The following APP variants were observed in gnomAD, a reference collection of about 807,000 sequenced individuals.
APP encodes the protein amyloid-beta precursor protein.
In APP, 31 loss-of-function variants were observed where a neutral mutation model predicts 101.4. The ratio of observed to expected loss-of-function variants is 0.31; its 90% CI spans 0.23 to 0.41. The LOEUF is 0.41. APP is among the 10% of genes least tolerant of loss of function. The probability of loss-of-function intolerance (pLI) is 1.00; values close to 1 mark genes in which losing one functional copy is unlikely to be tolerated. For missense variants in APP, 839 were observed against 1,003.7 expected (o/e 0.84, Z 2.22); for synonymous variants, 366 against 364.4 (o/e 1.00, Z -0.05).
chr21:26,086,695 T>C (rs906940823), intron 3 of APP, among the ~76,000 whole-genome samples: 1 of 152,210 alleles, frequency 6.6e-6, no homozygotes, highest in Admixed American at 6.5e-5. Flanking sequence ...CTACTACTAC[T>C]ATAAAGTAGA....
intron 6 of APP, among the ~76,000 whole-genome samples, chr21:26,016,932 GGGGGC>G (rs1258731020): frequency 6.9e-5 from 1 of 14,530 alleles, no homozygotes; most frequent in African/African-American, 2.3e-4. Flanking sequence ...GCACTTTGTG[GGGGGC>G]GGGGGGCGGG....
At chr21:25,981,647 TAA>T (rs1452606971) in intron 9 of APP, among the ~76,000 whole-genome samples, 2 of 150,518 alleles carry the variant, frequency 1.3e-5, no homozygotes, top group African/African-American at 2.4e-5. Context: ...GTTTTAGACA[TAA>T]GTTATTTTTT....
chr21:25,971,284 G>T (rs931220664), intron 11 of APP, among the ~76,000 whole-genome samples: 2 of 152,172 alleles, frequency 1.3e-5, no homozygotes, highest in African/African-American at 4.8e-5. Flanking sequence ...TTGACCTCGT[G>T]ATCCGCCCGC....
At chr21:25,951,765 C>CA (rs1158426830) in intron 13 of APP, among the ~76,000 whole-genome samples, 4 of 152,124 alleles carry the variant, frequency 2.6e-5, no homozygotes. Flanking sequence ...TAAACACATA[C>CA]AAAAGTAAAA....
At chr21:26,142,647 T>C (rs2063072431) in intron 1 of APP, among the ~76,000 whole-genome samples, 1 of 152,122 alleles carries the variant, frequency 6.6e-6, no homozygotes, top group East Asian at 1.9e-4. Flanking sequence ...TGCAAACCTG[T>C]AGTCCCAGCT....
At chr21:25,951,184 G>A (rs888891693) in intron 13 of APP, among the ~76,000 whole-genome samples, 35 of 152,196 alleles carry the variant, frequency 2.3e-4, no homozygotes, top group African/African-American at 8.4e-4. Context: ...CTATGCTCTG[G>A]TCACAGTTTA....
chr21:26,054,775 C>T (rs543231092), intron 3 of APP, among the ~76,000 whole-genome samples: 5 of 152,018 alleles, frequency 3.3e-5, no homozygotes, highest in South Asian at 2.1e-4. Context: ...CCACAACTCC[C>T]ACGGAGCAAG....
chr21:26,160,071 C>T (rs1351216025), intron 1 of APP, among the ~76,000 whole-genome samples: 1 of 126,096 alleles, frequency 7.9e-6, no homozygotes, highest in Non-Finnish European at 1.6e-5. Flanking sequence ...CCACCTCTGT[C>T]CAACAGACAG....
chr21:26,016,685 C>T (rs2044078984), intron 6 of APP, among the ~76,000 whole-genome samples: 2 of 152,288 alleles, frequency 1.3e-5, no homozygotes, highest in Admixed American at 6.5e-5. Context: ...GATTCTCCTG[C>T]CTCAGCCTCC....
At chr21:25,937,463 C>T (rs970526059) in intron 13 of APP, among the ~76,000 whole-genome samples, 2 of 152,162 alleles carry the variant, frequency 1.3e-5, no homozygotes, top group African/African-American at 2.4e-5. Flanking sequence ...TCTTCCAAGA[C>T]GAAGCTTTTA....
intron 13 of APP, among the ~76,000 whole-genome samples, chr21:25,953,339 T>C (rs531797080): frequency 1.3e-5 from 2 of 152,256 alleles, no homozygotes; most frequent in East Asian, 3.9e-4. Context: ...TTCACAGCAA[T>C]ACAAACAATA....
At chr21:26,013,254 T>G (rs935655996) in intron 6 of APP, among the ~76,000 whole-genome samples, 1 of 152,108 alleles carries the variant, frequency 6.6e-6, no homozygotes, top group African/African-American at 2.4e-5. Flanking sequence ...GAGGCAGAGG[T>G]TGCAGTGAGC....
chr21:26,139,879 AAAACAAACAAAC>A lies in APP; in HGVS notation c.58-27745_58-27734del, dbSNP rs10617724. Reference sequence around the variant, plus strand: ...TGGCAACAGAGCGAGACTCCGTCTCAAAACAAACAAACAAACAAACAAACAAACAAACAAACA... The same window carrying A: ...TGGCAACAGAGCGAGACTCCGTCTCAAAACAAACAAACAAACAAACAAACA... On this transcript the variant is annotated intron_variant, in intron 1 of 17. Coordinates refer to ENST00000346798, the MANE Select transcript of APP (RefSeq NM_000484.4). 6.1e-3 allele frequency among the ~76,000 whole-genome samples: 922 copies of A among 150,280 alleles called. 3 individuals carry two copies. Among genetic ancestry groups the A allele is most frequent in the East Asian group, 0.015 (76 of 5,038 alleles).
intron 13 of APP, among the ~76,000 whole-genome samples, chr21:25,925,494 C>T (rs1215919213): frequency 6.6e-6 from 1 of 152,150 alleles, no homozygotes; most frequent in East Asian, 1.9e-4. Context: ...TCCAGGGAAT[C>T]AGAATCTGCA....
At chr21:26,145,617 GTT>G (rs1029364603) in intron 1 of APP, among the ~76,000 whole-genome samples, 1 of 152,124 alleles carries the variant, frequency 6.6e-6, no homozygotes, top group Non-Finnish European at 1.5e-5. Context: ...TCTGCGTACA[GTT>G]AAAAAGACTC....
chr21:26,169,005 G>A (rs898915525), intron 1 of APP, among the ~76,000 whole-genome samples: 1 of 152,178 alleles, frequency 6.6e-6, no homozygotes, highest in Non-Finnish European at 1.5e-5. Flanking sequence ...GAGGCTGGGG[G>A]AAAAGAGGGG....
At chr21:25,967,006 T>C (rs2041821461) in intron 11 of APP, among the ~76,000 whole-genome samples, 1 of 152,168 alleles carries the variant, frequency 6.6e-6, no homozygotes, top group Non-Finnish European at 1.5e-5. Context: ...TCTGCTGGAA[T>C]TTACCAAATA....
At chr21:26,097,732 T>C (rs1402576080) in intron 2 of APP, among the ~76,000 whole-genome samples, 1 of 152,198 alleles carries the variant, frequency 6.6e-6, no homozygotes, top group African/African-American at 2.4e-5. Flanking sequence ...ACCTACCTGG[T>C]CATACAGCCA....
intron 3 of APP, among the ~76,000 whole-genome samples, chr21:26,089,204 G>C (rs1011190230): frequency 6.6e-6 from 1 of 152,136 alleles, no homozygotes; most frequent in Non-Finnish European, 1.5e-5. Flanking sequence ...CCAGAGCAAA[G>C]AACTTGACTT....
Sources: gnomAD v4.1 joint callset for allele counts (sites outside exome capture counted in the v4.1 genomes callset) on GRCh38, gnomAD v4.1.1 for gene constraint, MANE v1.5 for transcripts, NCBI Gene and HGNC (gene_info 2026-07-23, HGNC 2026-07-21) for gene names.